The following ZBBX variants were observed in gnomAD, a reference collection of about 807,000 sequenced individuals.
ZBBX encodes the protein zinc finger B-box domain-containing protein 1.
In ZBBX, 101 loss-of-function variants were observed where a neutral mutation model predicts 108.5. That is an observed-to-expected ratio of 0.93 (90% CI 0.79 to 1.10). ZBBX has a LOEUF of 1.10. Among genes scored for constraint, ZBBX ranks in the 50% least tolerant of loss-of-function variants. The pLI is 0.00. For missense variants in ZBBX, 1,009 were observed against 941.4 expected (o/e 1.07, Z -0.94); for synonymous variants, 356 against 323.4 (o/e 1.10, Z -1.08).
chr3:167,302,000 A>T (rs1324478742), intron 17 of ZBBX, among the ~76,000 whole-genome samples: 2 of 146,638 alleles, frequency 1.4e-5, no homozygotes, highest in African/African-American at 2.5e-5. Context: ...TTTGAATTGT[A>T]TTAATTTTGT....
chr3:167,192,598 C>G, the ZBBX span, among the ~76,000 whole-genome samples: 21 of 152,150 alleles, frequency 1.4e-4, no homozygotes, highest in Admixed American at 1.4e-3. Flanking sequence ...TTTTGAACAC[C>G]AATAATTCTT....
intron 19 of ZBBX, among the ~76,000 whole-genome samples, chr3:167,285,301 T>A (rs1729502132): frequency 6.6e-6 from 1 of 152,060 alleles, no homozygotes; most frequent in Non-Finnish European, 1.5e-5. Context: ...TAGAATTAGA[T>A]GAAATGTAAC....
chr3:167,321,255 C>T (rs1736396255), intron 12 of ZBBX, among the ~76,000 whole-genome samples: 1 of 151,960 alleles, frequency 6.6e-6, no homozygotes, highest in Non-Finnish European at 1.5e-5. Context: ...ATTAACCTAT[C>T]TAGCAGAGGC....
intron 11 of ZBBX, among the ~76,000 whole-genome samples, chr3:167,323,250 GA>G (rs11328015): frequency 0.37 from 34,514 of 92,452 alleles, 6,053 homozygotes; most frequent in East Asian, 0.62. Flanking sequence ...GGGGGGGGGG[GA>G]AAGAACTCTT....
At chr3:167,265,353 C>A (rs1725279109) in intron 20 of ZBBX, among the ~76,000 whole-genome samples, 1 of 152,096 alleles carries the variant, frequency 6.6e-6, no homozygotes, top group Non-Finnish European at 1.5e-5. Flanking sequence ...ACTTTTGGCT[C>A]AGGTTGTGTC....
the ZBBX span, among the ~76,000 whole-genome samples, chr3:167,203,422 GACATAATGTAGCCCATA>G: frequency 8.5e-5 from 13 of 152,152 alleles, no homozygotes; most frequent in African/African-American, 2.6e-4. Flanking sequence ...ATTTTGAGGG[GACATAATGTAGCCCATA>G]ACACCAATTA....
chr3:167,295,355 T>C (rs574857163), intron 18 of ZBBX, among the ~76,000 whole-genome samples: 2 of 152,002 alleles, frequency 1.3e-5, no homozygotes, highest in African/African-American at 4.8e-5. Flanking sequence ...GAATATTATA[T>C]AGCCATAAAA....
intron 16 of ZBBX, among the ~76,000 whole-genome samples, chr3:167,310,115 G>A (rs1734326813): frequency 2.0e-5 from 3 of 152,126 alleles, no homozygotes; most frequent in African/African-American, 4.8e-5. Flanking sequence ...TTTGAGGAGG[G>A]GGCCAAAATG....
downstream of ZBBX, among the ~76,000 whole-genome samples, chr3:167,237,316 A>C (rs549496247): frequency 6.6e-6 from 1 of 151,952 alleles, no homozygotes; most frequent in Non-Finnish European, 1.5e-5. Context: ...CAGCATGTGC[A>C]TGTCCAGAGG....
At chr3:167,340,414 T>G (rs566498011) in intron 9 of ZBBX, among the ~76,000 whole-genome samples, 1 of 152,126 alleles carries the variant, frequency 6.6e-6, no homozygotes, top group African/African-American at 2.4e-5. Flanking sequence ...TAAAAGTAAT[T>G]TTCATATAAA....
Position 167,333,968 on chromosome 3 carries a change from TA to T in ZBBX, c.545del (p.Leu182TyrfsTer12). On this transcript the variant is annotated frameshift_variant, in exon 10 of 22. Coordinates refer to ENST00000675490, the MANE Select transcript of ZBBX (RefSeq NM_001199201.2). LOFTEE classifies it high-confidence loss of function. The stretch of plus-strand genomic sequence containing the variant: ...GATGGGCAACATCCAATACATTGAA[TA>T]ATATTTGAGATTTTGCCTATTAAAA... ...TTLLQAKSQI[L>X]FNVLDVAHQF... 6.3e-7 allele frequency: 1 copy of T among 1,574,808 alleles called. No homozygotes were observed.
At chr3:167,260,448 T>A (rs1724276874) in intron 20 of ZBBX, among the ~76,000 whole-genome samples, 1 of 152,350 alleles carries the variant, frequency 6.6e-6, no homozygotes, top group South Asian at 2.1e-4. Context: ...AGAATTCTCT[T>A]CTTCCTCAGA....
At chr3:167,217,987 C>T in the ZBBX span, among the ~76,000 whole-genome samples, 1 of 151,320 alleles carries the variant, frequency 6.6e-6, no homozygotes, top group Non-Finnish European at 1.5e-5. Context: ...TTGTGATCTG[C>T]CCACCTTGGC....
In ZBBX at chr3:167,252,937, G is replaced by A. The variant is rs2108369339; in HGVS notation, c.2255-10294C>T. Among the ~76,000 whole-genome samples, 3 of 152,218 alleles carry A rather than the reference G, an allele frequency of 2.0e-5. No homozygotes were observed. The South Asian group carries it at 6.2e-4, about 32-fold the overall frequency. ...TTTTAAAATTAAAAACTGTATGTTT[G>A]TCCTTTTAGATCCAGTTCAGACTTC... On this transcript the variant is annotated intron_variant, in intron 20 of 21. Transcript: ENST00000675490.
chr3:167,292,796 A>T (rs1050410875), intron 18 of ZBBX, among the ~76,000 whole-genome samples: 1 of 152,180 alleles, frequency 6.6e-6, no homozygotes, highest in Non-Finnish European at 1.5e-5. Flanking sequence ...AAGTAGATAG[A>T]CCACTAGCCA....
At chr3:167,389,190 C>T (rs1748013384) in intron 1 of ZBBX, among the ~76,000 whole-genome samples, 1 of 152,026 alleles carries the variant, frequency 6.6e-6, no homozygotes, top group Non-Finnish European at 1.5e-5. Context: ...CATGTGTTCT[C>T]ACTGTTCAAC....
At chr3:167,294,906 A>G (rs974755286) in intron 18 of ZBBX, among the ~76,000 whole-genome samples, 6 of 152,238 alleles carry the variant, frequency 3.9e-5, no homozygotes, top group African/African-American at 1.4e-4. Flanking sequence ...TTCTCAAAAG[A>G]AGACATTTAT....
At chr3:167,190,713 T>C in the ZBBX span, among the ~76,000 whole-genome samples, 1 of 152,066 alleles carries the variant, frequency 6.6e-6, no homozygotes, top group African/African-American at 2.4e-5. Flanking sequence ...TGTGTGGTCA[T>C]GAGATTATCA....
chr3:167,286,299 C>G (rs796116443), intron 19 of ZBBX, among the ~76,000 whole-genome samples: 2 of 152,176 alleles, frequency 1.3e-5, no homozygotes, highest in East Asian at 3.9e-4. Context: ...GGTAGCCAAC[C>G]AAGGTGTTGC....
Sources: allele counts gnomAD v4.1 joint callset (sites outside exome capture counted in the v4.1 genomes callset), GRCh38; gene constraint gnomAD v4.1.1; transcripts MANE v1.5; gene names NCBI Gene and HGNC (gene_info 2026-07-23, HGNC 2026-07-21).